The following PCDH15 variants were observed in gnomAD, a reference collection of about 807,000 sequenced individuals.
PCDH15 encodes protocadherin related 15.
Under a neutral mutation model 178.5 loss-of-function variants are expected in PCDH15, and 129 were observed. The ratio of observed to expected loss-of-function variants is 0.72; its 90% confidence interval spans 0.63 to 0.84. PCDH15 has a LOEUF of 0.84. Ranked by LOEUF, PCDH15 falls within the 40% of genes least tolerant of loss-of-function variation. The probability of loss-of-function intolerance (pLI) is 0.00; values close to 1 mark genes in which losing one functional copy is unlikely to be tolerated. For missense variants in PCDH15, 2,230 were observed against 2,099.9 expected, an observed-to-expected ratio of 1.06 and a Z score of -1.21; for synonymous variants, 800 against 732.0, an observed-to-expected ratio of 1.09 and a Z score of -1.50.
chr10:53,894,258 G>A (rs186164075), intron 26 of PCDH15, among the ~76,000 whole-genome samples: 1 of 152,134 alleles, frequency 6.6e-6, no homozygotes, highest in African/African-American at 2.4e-5. Context: ...CAGTTACAGG[G>A]TCATAGTCAA....
At position 54,434,102 on chromosome 10, in the gene PCDH15, T is replaced by G. The variant is rs2075214703; in HGVS notation, c.158-55160A>C. Reference sequence around the variant, plus strand: ...TATACATTTAACAAAATAAAAAACTTATAGAACAAGGATATAAAGAAAGAA... The same window carrying G: ...TATACATTTAACAAAATAAAAAACTGATAGAACAAGGATATAAAGAAAGAA... On this transcript the variant is annotated intron_variant, in intron 3 of 37. Transcript: ENST00000644397. 2.6e-5 allele frequency among the ~76,000 whole-genome samples: 4 copies of G among 152,136 alleles called. No homozygotes were observed. In the South Asian group the frequency reaches 8.3e-4, roughly 31 times the overall value.
intron 1 of PCDH15, among the ~76,000 whole-genome samples, chr10:55,168,072 C>G: frequency 6.6e-6 from 1 of 152,152 alleles, no homozygotes; most frequent in South Asian, 2.1e-4. Context: ...ATAAATAGTA[C>G]TATATTCAAA....
intron 2 of PCDH15, among the ~76,000 whole-genome samples, chr10:55,564,237 A>C (rs1156812576): frequency 6.6e-6 from 1 of 151,730 alleles, no homozygotes; most frequent in Non-Finnish European, 1.5e-5. Context: ...TTGTGACATT[A>C]ATAACTAAAA....
chr10:53,806,340 A>C lies in PCDH15; in HGVS notation c.*239T>G, dbSNP rs965801844. ...AATTCAAGACCCAACAAAACAGCTA[A>C]ATGTTTAAACGATAGGTTATTTAGT... On this transcript the variant is annotated 3_prime_UTR_variant, in exon 38 of 38. Transcript: ENST00000644397. 9.7e-6 allele frequency: 4 copies of C among 410,794 alleles called. No individual in the cohort carries two copies. Among genetic ancestry groups the C allele is most frequent in the African/African-American group, 2.0e-5 (1 of 49,212 alleles). 25.4% of individuals were successfully genotyped at this position (410,794 alleles called of 1,614,324 possible). A position where few individuals can be genotyped will look rare whatever the true frequency, so the allele number is the denominator to read the frequency against.
At chr10:53,905,340 T>C (rs2082601619) in intron 25 of PCDH15, 1 of 447,244 alleles carries the variant, frequency 2.2e-6, no homozygotes, top group Non-Finnish European at 4.5e-6. Context: ...TTTTTTCTTT[T>C]TCTTGTTTTT....
intron 1 of PCDH15, among the ~76,000 whole-genome samples, chr10:55,261,906 T>A (rs1842153557): frequency 2.6e-5 from 4 of 152,084 alleles, no homozygotes; most frequent in South Asian, 4.2e-4. Flanking sequence ...AAGGAAAACT[T>A]GGTCCTCAGA....
intron 2 of PCDH15, among the ~76,000 whole-genome samples, chr10:55,338,799 AC>A (rs1363060577): frequency 6.6e-6 from 1 of 152,174 alleles, no homozygotes; most frequent in Admixed American, 6.6e-5. Context: ...AAACAAAAAA[AC>A]AAACAAACAA....
At chr10:54,238,415 A>T (rs1453421380) in intron 8 of PCDH15, among the ~76,000 whole-genome samples, 4 of 152,016 alleles carry the variant, frequency 2.6e-5, no homozygotes, top group African/African-American at 9.7e-5. Flanking sequence ...AACACCATAG[A>T]CATTGTATGG....
intron 3 of PCDH15, among the ~76,000 whole-genome samples, chr10:54,840,349 A>G (rs1219755961): frequency 6.6e-6 from 1 of 151,994 alleles, no homozygotes; most frequent in African/African-American, 2.4e-5. Flanking sequence ...TTTTATAGCA[A>G]TTTAGTTAAG....
At chr10:55,549,010 C>A (rs1295858827) in intron 2 of PCDH15, among the ~76,000 whole-genome samples, 1 of 152,008 alleles carries the variant, frequency 6.6e-6, no homozygotes, top group Non-Finnish European at 1.5e-5. Flanking sequence ...ACCAAAGCAG[C>A]CACAAATGAA....
intron 2 of PCDH15, among the ~76,000 whole-genome samples, chr10:54,956,910 A>C (rs1442606775): frequency 6.6e-6 from 1 of 151,678 alleles, no homozygotes; most frequent in Non-Finnish European, 1.5e-5. Flanking sequence ...ATATGCTCGA[A>C]ATCAAACAGT....
intron 1 of PCDH15, among the ~76,000 whole-genome samples, chr10:55,199,429 T>C (rs1031548764): frequency 4.6e-5 from 7 of 151,862 alleles, no homozygotes; most frequent in African/African-American, 1.7e-4. Context: ...TGGTTGCTTA[T>C]AAAAGCCAAT....
intron 16 of PCDH15, among the ~76,000 whole-genome samples, chr10:54,087,960 C>T (rs1029530103): frequency 2.6e-5 from 4 of 152,110 alleles, no homozygotes; most frequent in Non-Finnish European, 4.4e-5. Context: ...CCATGTGAAG[C>T]GCTGACTCCC....
intron 2 of PCDH15, among the ~76,000 whole-genome samples, chr10:55,549,678 A>G (rs1251394868): frequency 1.3e-5 from 2 of 152,130 alleles, no homozygotes; most frequent in Non-Finnish European, 2.9e-5. Context: ...TGACTTTTCA[A>G]TGTTTCTCCT....
intron 17 of PCDH15, among the ~76,000 whole-genome samples, chr10:54,074,845 C>G (rs2094310721): frequency 6.6e-6 from 1 of 152,140 alleles, no homozygotes; most frequent in African/African-American, 2.4e-5. Flanking sequence ...TCCACATCCT[C>G]ATCAACATGT....
intron 2 of PCDH15, among the ~76,000 whole-genome samples, chr10:54,935,291 G>A (rs144199476): frequency 1.6e-3 from 243 of 152,200 alleles, no homozygotes; most frequent in Non-Finnish European, 2.8e-3. Flanking sequence ...AGAGACCGAT[G>A]AAAATTCTGC....
intron 1 of PCDH15, among the ~76,000 whole-genome samples, chr10:55,253,611 T>C (rs935726819): frequency 2.0e-5 from 3 of 151,976 alleles, no homozygotes; most frequent in Admixed American, 6.6e-5. Context: ...AATAAGTTTT[T>C]TTTTTCTTTT....
chr10:54,220,648 AC>A (rs2052676163), intron 9 of PCDH15, among the ~76,000 whole-genome samples: 1 of 151,952 alleles, frequency 6.6e-6, no homozygotes, highest in African/African-American at 2.4e-5. Context: ...ACACGGTGAA[AC>A]CCCGTCTCTA....
intron 8 of PCDH15, among the ~76,000 whole-genome samples, chr10:54,302,044 T>A (rs576678899): frequency 5.9e-5 from 9 of 152,182 alleles, no homozygotes; most frequent in Non-Finnish European, 8.8e-5. Context: ...AAACCATTTT[T>A]TTAAAATTCC....
Sources: gnomAD v4.1 joint callset for allele counts (sites outside exome capture counted in the v4.1 genomes callset) on GRCh38, gnomAD v4.1.1 for gene constraint, MANE v1.5 for transcripts, NCBI Gene and HGNC (gene_info 2026-07-23, HGNC 2026-07-21) for gene names.